ANKRD36B: variants seen among roughly 807,000 people sequenced by gnomAD.
The protein encoded by ANKRD36B is ankyrin repeat domain 36B.
In ANKRD36B, 37 loss-of-function variants were observed where a neutral mutation model predicts 135.7. The observed-to-expected ratio is 0.27, with a 90% CI of 0.21 to 0.36. The LOEUF (loss-of-function observed/expected upper bound fraction) is 0.36, where lower values mean the gene tolerates loss of function less well. ANKRD36B is among the 10% of genes least tolerant of loss of function. ANKRD36B has a pLI of 1.00. For synonymous variants in ANKRD36B, 179 were observed against 348.1 expected, an observed-to-expected ratio of 0.51 and a Z score of 5.41; for missense variants, 549 against 1,037.1, an observed-to-expected ratio of 0.53 and a Z score of 6.46.
At position 97,547,719 on chromosome 2, in the gene ANKRD36B, T is replaced by G. The variant is rs1276954011; in HGVS notation, c.1490A>C (p.Gln497Pro). 1.3e-6 allele frequency: 2 copies of G among 1,562,004 alleles called. No homozygotes were observed. Among genetic ancestry groups the G allele is most frequent in the South Asian group, 2.3e-5 (2 of 85,844 alleles). The change falls in exon 21 of 44, where the codon CAA becomes CCA. Residue 497 changes from glutamine (Q) to proline (P), a missense_variant. Coordinates refer to ENST00000359901, the MANE Select transcript of ANKRD36B (RefSeq NM_001393939.1). ...GEKSRTVSFE[Q>P]PPGLKATRDE... is the part of the protein sequence containing the mutation. ...TTTCATTACCTTCAAGCCTGGTGGT[T>G]GCTCAAAAGACACTGAAAAGTAAAA... is the stretch of plus-strand genomic sequence containing the variant.
chr2:97,568,991 C>T (rs2104859072), intron 6 of ANKRD36B, among the ~76,000 whole-genome samples: 1 of 152,264 alleles, frequency 6.6e-6, no homozygotes, highest in Admixed American at 6.5e-5. Flanking sequence ...ACTAGCTGGT[C>T]TATTTCCAAC....
chr2:97,562,736 C>T (rs897200182), intron 6 of ANKRD36B, among the ~76,000 whole-genome samples: 10 of 152,064 alleles, frequency 6.6e-5, no homozygotes, highest in Admixed American at 6.6e-4. Flanking sequence ...TATGTGACAT[C>T]TGTACAGTCC....
At chr2:97,557,797 C>A (rs1033946445) in intron 10 of ANKRD36B, among the ~76,000 whole-genome samples, 6 of 151,690 alleles carry the variant, frequency 4.0e-5, no homozygotes, top group African/African-American at 9.7e-5. Flanking sequence ...CTCGTGGCAA[C>A]AAATATAATA....
At chr2:97,554,674 C>T (rs1327769838) in intron 14 of ANKRD36B, among the ~76,000 whole-genome samples, 1 of 151,916 alleles carries the variant, frequency 6.6e-6, no homozygotes, top group African/African-American at 2.4e-5. Context: ...CTGGTTATTA[C>T]GATCAGTTTT....
intron 6 of ANKRD36B, among the ~76,000 whole-genome samples, chr2:97,570,412 G>T (rs923660473): frequency 3.3e-5 from 5 of 152,148 alleles, no homozygotes; most frequent in Non-Finnish European, 7.3e-5. Context: ...GCATTTTAAA[G>T]GTTTGTCACC....
At chr2:97,557,937 G>C (rs1350284323) in intron 10 of ANKRD36B, among the ~76,000 whole-genome samples, 4 of 151,590 alleles carry the variant, frequency 2.6e-5, no homozygotes, top group African/African-American at 9.7e-5. Flanking sequence ...TTGAAAATAA[G>C]AATTTTAAAA....
At chr2:97,570,689 C>T (rs1442998732) in intron 6 of ANKRD36B, among the ~76,000 whole-genome samples, 2 of 152,264 alleles carry the variant, frequency 1.3e-5, no homozygotes, top group East Asian at 1.9e-4. Context: ...AGAGGGCTCC[C>T]GGAAGCTTGT....
intron 35 of ANKRD36B, among the ~76,000 whole-genome samples, chr2:97,531,429 A>T (rs1399804710): frequency 2.1e-5 from 1 of 47,090 alleles, no homozygotes. Flanking sequence ...GGGGGGAGGG[A>T]TAGCATTAGG....
At position 97,537,357 on chromosome 2, in the gene ANKRD36B, C is replaced by A. The variant is rs1174972760; in HGVS notation, c.2089+811G>T. On this transcript the variant is annotated intron_variant, in intron 32 of 43. Transcript: ENST00000359901. The stretch of plus-strand genomic sequence containing the variant: ...AAAATTAGTCTGCTCTGGAATATCA[C>A]TTTACTATAAAGAATTTTCATTAAA... 2.1e-5 allele frequency among the ~76,000 whole-genome samples: 2 copies of A among 96,616 alleles called. 1 individual carries two copies. Among genetic ancestry groups the A allele is most frequent in the Admixed American group, 1.9e-4 (2 of 10,800 alleles). The allele number at this position is 96,616 out of a possible 152,430, so 63.4% of individuals were successfully genotyped here.
intron 6 of ANKRD36B, 59 bp from the exon 7 acceptor site, chr2:97,560,919 C>G: frequency 7.5e-7 from 1 of 1,332,472 alleles, no homozygotes; most frequent in Non-Finnish European, 1.0e-6. Flanking sequence ...GTTATCCATA[C>G]ATTAATGCAT....
In ANKRD36B at chr2:97,585,361, C is replaced by T. The variant is rs746931287; in HGVS notation, c.199G>A (p.Glu67Lys). The T allele has an allele frequency of 6.4e-7, 1 of 1,572,102 alleles. No homozygotes were observed. Among genetic ancestry groups the T allele is most frequent in the South Asian group, 1.2e-5 (1 of 85,526 alleles). Residue 67 changes from glutamate to lysine, a missense_variant, in exon 2 of 44, where the codon GAA becomes AAA. Transcript: ENST00000359901. ...CTGGACACCAGGAGATGTACCATTT[C>T]CGGTTGGCCAGTGGCACAGGCCAAA... Reference protein sequence around the residue: ...LHLACATGQPEMVHLLVSRRC... With the variant: ...LHLACATGQPKMVHLLVSRRC...
At chr2:97,555,391 G>C in intron 12 of ANKRD36B, 137 bp from the exon 13 acceptor site, 1 of 1,303,782 alleles carries the variant, frequency 7.7e-7, no homozygotes, top group Non-Finnish European at 1.1e-6. Flanking sequence ...CTGGGGACTG[G>C]AACATGACAG....
chr2:97,567,840 T>A (rs1246358194), intron 6 of ANKRD36B, among the ~76,000 whole-genome samples: 1 of 152,182 alleles, frequency 6.6e-6, no homozygotes, highest in Non-Finnish European at 1.5e-5. Context: ...AACAATATCA[T>A]CATGGTTCAC....
At chr2:97,530,365 C>A (rs369748821) in intron 35 of ANKRD36B, among the ~76,000 whole-genome samples, 13,596 of 92,414 alleles carry the variant, frequency 0.15, 4,919 homozygotes, top group Middle Eastern at 0.33. Context: ...TAGAACGCTG[C>A]AACTGGATCC....
chr2:97,574,938 A>G (rs2082129366), intron 6 of ANKRD36B, among the ~76,000 whole-genome samples: 1 of 152,102 alleles, frequency 6.6e-6, no homozygotes, highest in South Asian at 2.1e-4. Flanking sequence ...GGATCTTGGT[A>G]GATTTGTTCC....
intron 5 of ANKRD36B, among the ~76,000 whole-genome samples, chr2:97,577,021 C>G (rs2442281): frequency 5.5e-4 from 83 of 152,088 alleles, no homozygotes; most frequent in South Asian, 2.1e-4. Flanking sequence ...TCTATTATTT[C>G]TGGCTTATAA....
chr2:97,546,087 G>C (rs1275678563), intron 22 of ANKRD36B, among the ~76,000 whole-genome samples: 1 of 151,688 alleles, frequency 6.6e-6, no homozygotes, highest in Admixed American at 6.6e-5. Flanking sequence ...GGTATGATTT[G>C]TCATATGTCG....
chr2:97,587,961 C>A (rs2083138114), intron 1 of ANKRD36B, among the ~76,000 whole-genome samples: 1 of 151,514 alleles, frequency 6.6e-6, no homozygotes, highest in Admixed American at 6.6e-5. Flanking sequence ...TTGAAGAATT[C>A]TCTGTAAAAT....
intron 5 of ANKRD36B, among the ~76,000 whole-genome samples, chr2:97,577,769 C>T (rs1255107058): frequency 1.3e-5 from 2 of 150,182 alleles, no homozygotes; most frequent in African/African-American, 4.9e-5. Flanking sequence ...ACTTGAGATA[C>T]TGATGCAAGC....
Sources: allele counts gnomAD v4.1 joint callset (sites outside exome capture counted in the v4.1 genomes callset), GRCh38; gene constraint gnomAD v4.1.1; transcripts MANE v1.5; gene names NCBI Gene and HGNC (gene_info 2026-07-23, HGNC 2026-07-21).